Variants in PTPRU observed in about 807,000 individuals in gnomAD.
The protein encoded by PTPRU is protein tyrosine phosphatase receptor type U.
Under a neutral mutation model 166.3 loss-of-function variants are expected in PTPRU, and 69 were observed. The observed-to-expected ratio is 0.41, with a 90% confidence interval of 0.34 to 0.51. The LOEUF is 0.51. PTPRU is among the 20% of genes least tolerant of loss of function. PTPRU has a pLI of 0.09. For synonymous variants in PTPRU, 793 were observed against 814.0 expected, an observed-to-expected ratio of 0.97 and a Z score of 0.44; for missense variants, 1,657 against 2,013.7, an observed-to-expected ratio of 0.82 and a Z score of 3.39.
rs12745381 is a variant in PTPRU at position 29,317,672 on chromosome 1, G to C, written c.3514-76G>C. On this transcript the variant is annotated intron_variant, in intron 24 of 29. Transcript: ENST00000373779. The surrounding 1 kb of genome is among the most constrained non-coding windows in gnomAD (Gnocchi z 5.6). The stretch of plus-strand genomic sequence containing the variant: ...AAAATGGGATTAGTAACTCAGTCCA[G>C]CCTCCTTCATGGGGATGTGAGGAGG... 0.096 allele frequency: 139,349 copies of C among 1,450,436 alleles called. 7,396 individuals carry two copies. The highest frequency in any genetic ancestry group is 0.18 in the Middle Eastern group (974 of 5,304). The allele number at this position is 1,450,436 out of a possible 1,614,324, so 89.8% of individuals were successfully genotyped here. A position where few individuals can be genotyped will look rare whatever the true frequency, so the allele number is the denominator to read the frequency against.
chr1:29,310,920 TG>T, intron 19 of PTPRU, 140 bp downstream of exon 19: 1 of 1,076,442 alleles, frequency 9.3e-7, no homozygotes, highest in Admixed American at 1.8e-5. Flanking sequence ...TCTGGCTCCC[TG>T]CTTGTTCATC....
intron 28 of PTPRU, 60 bp downstream of exon 28, chr1:29,323,848 C>T (rs1688280804): frequency 6.3e-7 from 1 of 1,583,426 alleles, no homozygotes; most frequent in African/African-American, 1.3e-5. Flanking sequence ...GGCAGAGGTC[C>T]AGTCTGAAAG....
chr1:29,237,775 CCGGGCCAGCGGGCCCCAGCGAGGGGCCGG>C lies in PTPRU; in HGVS notation c.73+1064_73+1092del, dbSNP rs1448517502. 6.8e-6 allele frequency among the ~76,000 whole-genome samples: 1 copy of C among 147,538 alleles called. No homozygotes were observed. The highest frequency in any genetic ancestry group is 1.5e-5 in the Non-Finnish European group (1 of 66,442). Reference sequence around the variant, plus strand: ...AGGCGGCGCCGGGGCTGCGGGGCGCCCGGGCCAGCGGGCCCCAGCGAGGGGCCGGCGGGCGGGCAGGGGAGGGCCGGACC... The same window carrying C: ...AGGCGGCGCCGGGGCTGCGGGGCGCCCGGGCGGGCAGGGGAGGGCCGGACC... On this transcript the variant is annotated intron_variant, in intron 1 of 29. Transcript: ENST00000373779. This position sits in a 1 kb window ranked among gnomAD's most constrained non-coding sequence, Gnocchi z 6.4.
At chr1:29,259,799 GC>G in intron 5 of PTPRU, 70 bp from the exon 6 acceptor site, 4 of 1,446,972 alleles carry the variant, frequency 2.8e-6, no homozygotes, top group Non-Finnish European at 3.7e-6. Flanking sequence ...GCTAAATGGG[GC>G]CCGGGTCAGA....
Position 29,320,872 on chromosome 1 carries a change from C to A in PTPRU, c.3828+47C>A. On this transcript the variant is annotated intron_variant, in intron 26 of 29. Transcript: ENST00000373779. The surrounding 1 kb of genome is among the most constrained non-coding windows in gnomAD (Gnocchi z 5.2). ...CCAATGGGCCGCCTGCTCCCAGGTC[C>A]TCTGTGTATTCAGGGCCATGGTCCC... 1 of 1,493,796 alleles carries A rather than the reference C, an allele frequency of 6.7e-7. No individual in the cohort carries two copies. The highest frequency in any genetic ancestry group is 9.0e-7 in the Non-Finnish European group (1 of 1,113,156). The allele number at this position is 1,493,796 out of a possible 1,614,324, so 92.5% of individuals were successfully genotyped here.
intron 1 of PTPRU, among the ~76,000 whole-genome samples, chr1:29,244,861 G>A (rs1250857231): frequency 1.3e-5 from 2 of 152,190 alleles, no homozygotes; most frequent in African/African-American, 2.4e-5. Flanking sequence ...CTGTTATGAT[G>A]TGTGTATTTG....
Position 29,269,023 on chromosome 1 carries a change from GTTTTGTTTTAGTT to G in PTPRU, c.1145-6414_1145-6402del, listed in dbSNP as rs1574637494. On this transcript the variant is annotated intron_variant, in intron 7 of 29. Coordinates refer to ENST00000373779, the MANE Select transcript of PTPRU (RefSeq NM_133178.4). The stretch of plus-strand genomic sequence containing the variant: ...TGAATCTCTTGATTTCTCATCCAGT[GTTTTGTTTTAGTT>G]TTTTGTTTTATTTTGTTTTTAGAGA... Among the ~76,000 whole-genome samples, 3 of 152,032 alleles carry G rather than the reference GTTTTGTTTTAGTT, an allele frequency of 2.0e-5. No individual in the cohort carries two copies. The South Asian group carries it at 6.2e-4, about 32-fold the overall frequency.
chr1:29,259,577 G>A lies in PTPRU; in HGVS notation c.675+13G>A. The A allele has an allele frequency of 1.4e-6, 2 of 1,469,086 alleles. No homozygotes were observed. Among genetic ancestry groups the A allele is most frequent in the East Asian group, 2.3e-5 (1 of 43,574 alleles). 91.0% of individuals were successfully genotyped at this position (1,469,086 alleles called of 1,614,324 possible). On this transcript the variant is annotated intron_variant, in intron 5 of 29. Coordinates refer to ENST00000373779, the MANE Select transcript of PTPRU (RefSeq NM_133178.4). ...CTTCCTCTTGCAAGTGAGCGGGAGC[G>A]GTGATCTTGGCTGGGGGCGGGGTGG...
intron 26 of PTPRU, among the ~76,000 whole-genome samples, chr1:29,321,784 T>C (rs1688173273): frequency 6.6e-6 from 1 of 152,222 alleles, no homozygotes; most frequent in Admixed American, 6.5e-5. Flanking sequence ...ACAGTAGGCA[T>C]GTGGTATGTG....
rs569032053 is a variant in PTPRU at position 29,324,814 on chromosome 1, C to T, written c.4113-377C>T. Among the ~76,000 whole-genome samples the T allele has an allele frequency of 3.3e-3, 498 of 152,218 alleles. 2 individuals are homozygous for T. Among genetic ancestry groups the T allele is most frequent in the Non-Finnish European group, 5.1e-3 (349 of 68,008 alleles). On this transcript the variant is annotated intron_variant, in intron 28 of 29. Transcript: ENST00000373779. ...CCCCTTACCTCTGGGTCCTCTGCCC[C>T]GCCCTTCTGAGTTCCCTAGTTCTGC...
Position 29,259,466 on chromosome 1 carries a change from T to G in PTPRU, c.577T>G (p.Ser193Ala). 1 of 1,611,834 alleles carries G rather than the reference T, an allele frequency of 6.2e-7. No individual in the cohort carries two copies. Among genetic ancestry groups the G allele is most frequent in the Non-Finnish European group, 8.5e-7 (1 of 1,178,744 alleles). ...CCCCGCAGCAAAGGCCCCACACTTC[T>G]CCCGCCTGGGCGACGTGGAGGTCAA... is the stretch of plus-strand genomic sequence containing the variant. The part of the protein sequence containing the change: ...SYPCAKAPHF[S>A]RLGDVEVNAG... Residue 193 changes from serine (S) to alanine (A), a missense_variant, in exon 5 of 30, where the codon TCC becomes GCC. This residue lies in a region of PTPRU where 453 missense variants were observed against 496.9 expected (regional missense o/e 0.91). Transcript: ENST00000373779.
intron 26 of PTPRU, among the ~76,000 whole-genome samples, chr1:29,321,569 G>A (rs776456690): frequency 6.6e-6 from 1 of 152,192 alleles, no homozygotes; most frequent in Non-Finnish European, 1.5e-5. Context: ...CCACTAAAGC[G>A]CCCATCATGG....
At chr1:29,314,647 G>A (rs1687817213) in intron 22 of PTPRU, among the ~76,000 whole-genome samples, 2 of 151,578 alleles carry the variant, frequency 1.3e-5, no homozygotes, top group Non-Finnish European at 2.9e-5. Context: ...GTGTGGTCTT[G>A]GTTCACTGCA....
Position 29,284,847 on chromosome 1 carries a change from A to G in PTPRU, c.2296A>G (p.Ile766Val). ...LAVLILLLGA[I>V]IVIIRKGKPV... is the part of the protein sequence containing the mutation. ...TGTCCTCATCCTTCTCCTGGGTGCC[A>G]TCATTGTCATCATCCGCAAAGGGTG... Residue 766 changes from isoleucine (I) to valine (V), a missense_variant, in exon 14 of 30, where the codon ATC becomes GTC. Physicochemically the swap from Ile to Val is conservative, Grantham distance 29. Transcript: ENST00000373779. 1 of 1,612,610 alleles carries G rather than the reference A, an allele frequency of 6.2e-7. No homozygotes were observed. The highest frequency in any genetic ancestry group is 8.5e-7 in the Non-Finnish European group (1 of 1,179,034).
chr1:29,274,187 C>G (rs1340605936), intron 7 of PTPRU, among the ~76,000 whole-genome samples: 1 of 152,166 alleles, frequency 6.6e-6, no homozygotes, highest in Non-Finnish European at 1.5e-5. Flanking sequence ...TGCGCCACCA[C>G]GCCTGGCTAA....
At chr1:29,258,195 C>T (rs1479835319) in intron 2 of PTPRU, among the ~76,000 whole-genome samples, 1 of 152,188 alleles carries the variant, frequency 6.6e-6, no homozygotes, top group East Asian at 1.9e-4. Context: ...GAACTGCTGA[C>T]CTCAGGTGAT....
At chr1:29,284,628 G>T (rs1406995557) in intron 13 of PTPRU, 103 bp from the exon 14 acceptor site, 1 of 1,505,532 alleles carries the variant, frequency 6.6e-7, no homozygotes, top group Non-Finnish European at 9.2e-7. Flanking sequence ...GATGTAGGGC[G>T]GTTTGTGCAG....
chr1:29,325,330 A>G lies in PTPRU; in HGVS notation c.4248+4A>G. ...ACCCAACATGGTGGAGACCATGGTG[A>G]GGGGCTGTGTCCCGTGCCCAGCCAC... is the stretch of plus-strand genomic sequence containing the variant. On this transcript the variant is annotated splice_donor_region_variant and intron_variant, in intron 29 of 29. Transcript: ENST00000373779. 1 of 1,614,000 alleles carries G rather than the reference A, an allele frequency of 6.2e-7. No individual in the cohort carries two copies.
rs78142832 is a variant in PTPRU, at chr1:29,272,144, A to G, written c.1145-3304A>G. On this transcript the variant is annotated intron_variant, in intron 7 of 29. Transcript: ENST00000373779. ...CAGATCTGCCTCCTCTGGCGCAAAC[A>G]TAGAAGAATGATGGCTTAAAACAAA... is the stretch of plus-strand genomic sequence containing the variant. 6.6e-3 allele frequency among the ~76,000 whole-genome samples: 1,000 copies of G among 152,328 alleles called. 11 individuals carry two copies. Among genetic ancestry groups the G allele is most frequent in the African/African-American group, 0.022 (928 of 41,562 alleles).
Sources: gnomAD v4.1 joint callset for allele counts (sites outside exome capture counted in the v4.1 genomes callset) on GRCh38, gnomAD v4.1.1 for gene constraint, gnomAD v4.1.1 regional missense constraint, Gnocchi (gnomAD v3.1) non-coding constraint, MANE v1.5 for transcripts, NCBI Gene and HGNC (gene_info 2026-07-23, HGNC 2026-07-21) for gene names.